The following FSTL4 variants were observed in gnomAD, a reference collection of about 807,000 sequenced individuals.
FSTL4 encodes follistatin like 4, also known as follistatin-related protein 4.
Under a neutral mutation model 78.2 loss-of-function variants are expected in FSTL4, and 28 were observed. The ratio of observed to expected loss-of-function variants is 0.36; its 90% CI spans 0.27 to 0.49. The LOEUF (loss-of-function observed/expected upper bound fraction) is 0.49. Among genes scored for constraint, FSTL4 ranks in the 20% least tolerant of loss-of-function variants. FSTL4 has a pLI of 0.98. For missense variants in FSTL4, 922 were observed against 1,084.9 expected, an observed-to-expected ratio of 0.85 and a Z score of 2.11; for synonymous variants, 422 against 440.5, an observed-to-expected ratio of 0.96 and a Z score of 0.53.
At chr5:133,466,832 C>A (rs1031111541) in intron 3 of FSTL4, among the ~76,000 whole-genome samples, 1 of 152,072 alleles carries the variant, frequency 6.6e-6, no homozygotes, top group African/African-American at 2.4e-5. Flanking sequence ...CAGGGAAGGA[C>A]GCCTGGCCTG....
intron 3 of FSTL4, among the ~76,000 whole-genome samples, chr5:133,434,082 C>T (rs1756994413): frequency 6.6e-6 from 1 of 151,972 alleles, no homozygotes; most frequent in African/African-American, 2.4e-5. Context: ...GATTGGTCTG[C>T]AACGGGGCAA....
At chr5:133,226,168 T>A (rs1393681421) in intron 8 of FSTL4, among the ~76,000 whole-genome samples, 1 of 152,216 alleles carries the variant, frequency 6.6e-6, no homozygotes, top group Non-Finnish European at 1.5e-5. Context: ...TTTAGATACA[T>A]TCCCTTTCTG....
intron 6 of FSTL4, among the ~76,000 whole-genome samples, chr5:133,300,293 A>G (rs1753505048): frequency 6.6e-6 from 1 of 152,172 alleles, no homozygotes; most frequent in South Asian, 2.1e-4. Flanking sequence ...TCTTTCACTC[A>G]GCACCTCCAG....
At chr5:133,580,630 G>A (rs966895650) in intron 2 of FSTL4, among the ~76,000 whole-genome samples, 10 of 152,186 alleles carry the variant, frequency 6.6e-5, no homozygotes, top group Admixed American at 3.9e-4. Context: ...CGGTCAGGCC[G>A]TGCCCCTCCT....
chr5:133,822,670 C>T, the FSTL4 span, among the ~76,000 whole-genome samples: 3 of 152,148 alleles, frequency 2.0e-5, no homozygotes, highest in Non-Finnish European at 2.9e-5. Context: ...CGCACCGATG[C>T]TCCTGGAAAG....
intron 6 of FSTL4, among the ~76,000 whole-genome samples, chr5:133,297,310 G>A (rs1395127330): frequency 6.6e-6 from 1 of 152,104 alleles, no homozygotes; most frequent in Non-Finnish European, 1.5e-5. Flanking sequence ...GCACAAAGAT[G>A]GAATGTGTGA....
At chr5:133,656,396 C>G in the FSTL4 span, among the ~76,000 whole-genome samples, 44 of 152,270 alleles carry the variant, frequency 2.9e-4, no homozygotes, top group Non-Finnish European at 5.6e-4. Context: ...CAGTAATTTT[C>G]TGGACTTATG....
intron 4 of FSTL4, among the ~76,000 whole-genome samples, chr5:133,357,317 C>T (rs1754963349): frequency 6.6e-6 from 1 of 152,188 alleles, no homozygotes; most frequent in African/African-American, 2.4e-5. Flanking sequence ...GTCTCCTCCT[C>T]CAGACTGGAA....
rs140808838 is a variant in FSTL4 at position 133,382,735 on chromosome 5, T to C, written c.409+18003A>G. Among the ~76,000 whole-genome samples, 745 of 152,312 alleles carry C rather than the reference T, an allele frequency of 4.9e-3. 7 individuals are homozygous for C. The highest frequency in any genetic ancestry group is 8.5e-3 in the Non-Finnish European group (578 of 68,034). On this transcript the variant is annotated intron_variant, in intron 4 of 15. Transcript: ENST00000265342. ...GGGAAACTGCTTAATTCCCTCAACA[T>C]AGAACTAGTAGCTTGCACCATGTAA... is the stretch of plus-strand genomic sequence containing the variant.
In FSTL4 at chr5:133,598,517, T is replaced by A. The variant is rs568798882; in HGVS notation, c.126+5341A>T. ...TTTGCCTTGAAAATTATAAATGTACTGATAACGTCTATAGGTGGGAGGTTG... is the reference window on the plus strand; with the variant it reads ...TTTGCCTTGAAAATTATAAATGTACAGATAACGTCTATAGGTGGGAGGTTG... On this transcript the variant is annotated intron_variant, in intron 2 of 15. Coordinates refer to ENST00000265342, the MANE Select transcript of FSTL4 (RefSeq NM_015082.2). Among the ~76,000 whole-genome samples, 127 of 152,178 alleles carry A rather than the reference T, an allele frequency of 8.3e-4. 1 individual carries two copies. The highest frequency in any genetic ancestry group is 2.8e-3 in the African/African-American group (115 of 41,496).
intron 6 of FSTL4, among the ~76,000 whole-genome samples, chr5:133,300,339 T>G (rs953884427): frequency 3.3e-5 from 5 of 152,202 alleles, no homozygotes; most frequent in Non-Finnish European, 7.3e-5. Context: ...CTAGCTTTGT[T>G]CTAGAGCTTT....
the FSTL4 span, among the ~76,000 whole-genome samples, chr5:133,657,540 T>A: frequency 1.3e-5 from 2 of 152,246 alleles, no homozygotes; most frequent in South Asian, 4.1e-4. Context: ...TATTTTATTA[T>A]TTCTCCTAGT....
chr5:133,634,921 T>C, the FSTL4 span, among the ~76,000 whole-genome samples: 2 of 152,214 alleles, frequency 1.3e-5, no homozygotes, highest in African/African-American at 4.8e-5. Context: ...GAGTACTGCC[T>C]TGTTCATCCA....
chr5:133,754,687 CAT>C, the FSTL4 span, among the ~76,000 whole-genome samples: 6 of 152,132 alleles, frequency 3.9e-5, no homozygotes, highest in Admixed American at 2.0e-4. Context: ...CCCAAGAGAC[CAT>C]GGTCAAAATA....
At chr5:133,454,421 G>C (rs968087175) in intron 3 of FSTL4, among the ~76,000 whole-genome samples, 2 of 152,176 alleles carry the variant, frequency 1.3e-5, no homozygotes, top group East Asian at 3.8e-4. Context: ...AATTTTTTCT[G>C]AATGGTGGGT....
At chr5:133,601,019 A>G (rs1281215199) in intron 2 of FSTL4, among the ~76,000 whole-genome samples, 1 of 152,222 alleles carries the variant, frequency 6.6e-6, no homozygotes, top group Admixed American at 6.5e-5. Context: ...TTCAAATAAT[A>G]AACTACCCAG....
At chr5:133,212,344 T>C (rs1750758474) in intron 13 of FSTL4, among the ~76,000 whole-genome samples, 1 of 152,236 alleles carries the variant, frequency 6.6e-6, no homozygotes, top group African/African-American at 2.4e-5. Flanking sequence ...ATCATTTAAA[T>C]TGAGGACAGA....
intron 3 of FSTL4, among the ~76,000 whole-genome samples, chr5:133,513,129 A>C (rs1184567046): frequency 6.6e-6 from 1 of 151,866 alleles, no homozygotes; most frequent in African/African-American, 2.4e-5. Flanking sequence ...CCTGGATAAG[A>C]TTTTCTAGTA....
the FSTL4 span, among the ~76,000 whole-genome samples, chr5:133,691,782 A>G: frequency 4.6e-5 from 7 of 152,110 alleles, no homozygotes; most frequent in East Asian, 1.4e-3. Context: ...CAGCCTGCAC[A>G]GGGATAAGGG....
Sources: gnomAD v4.1 joint callset for allele counts (sites outside exome capture counted in the v4.1 genomes callset) on GRCh38, gnomAD v4.1.1 for gene constraint, MANE v1.5 for transcripts, NCBI Gene and HGNC (gene_info 2026-07-23, HGNC 2026-07-21) for gene names.